TBL1XR1: variants seen among roughly 807,000 people sequenced by gnomAD.
TBL1XR1 encodes the protein TBL1X/Y related 1, also known as F-box-like/WD repeat-containing protein TBL1XR1.
In TBL1XR1, 5 loss-of-function variants were observed where a neutral mutation model predicts 66.9. That is an observed-to-expected ratio of 0.07 (90% confidence interval 0.04 to 0.16). TBL1XR1 has a LOEUF of 0.16. TBL1XR1 is among the 10% of genes least tolerant of loss of function. The pLI is 1.00. For synonymous variants in TBL1XR1, 210 were observed against 206.0 expected (o/e 1.02, Z -0.17); for missense variants, 238 against 623.2 (o/e 0.38, Z 6.58).
intron 2 of TBL1XR1, among the ~76,000 whole-genome samples, chr3:177,072,404 T>C (rs1297283308): frequency 6.6e-6 from 1 of 151,844 alleles, no homozygotes; most frequent in Non-Finnish European, 1.5e-5. Flanking sequence ...GCTCACACCT[T>C]AGTATTACGA....
At chr3:177,188,989 C>T (rs188817857) in intron 1 of TBL1XR1, among the ~76,000 whole-genome samples, 85 of 151,954 alleles carry the variant, frequency 5.6e-4, no homozygotes, top group African/African-American at 2.0e-3. Flanking sequence ...GGGTGGATCA[C>T]GAGGTCAGGG....
upstream of TBL1XR1, among the ~76,000 whole-genome samples, chr3:177,198,550 GA>G (rs1737222621): frequency 6.6e-6 from 1 of 152,136 alleles, no homozygotes; most frequent in African/African-American, 2.4e-5. Context: ...TTAAAGAAGG[GA>G]GGCACCTCAC....
chr3:177,047,966 G>A (rs1716542783), intron 7 of TBL1XR1: 2 of 168,052 alleles, frequency 1.2e-5, no homozygotes, highest in Admixed American at 1.1e-4. Flanking sequence ...GTTTTATATG[G>A]CCATTCCTCT....
At chr3:177,026,754 C>A (rs1713183259) in intron 14 of TBL1XR1, 1 of 297,952 alleles carries the variant, frequency 3.4e-6, no homozygotes, top group East Asian at 6.5e-5. Context: ...ACATAGCCAA[C>A]AATAGCTAGA....
chr3:177,132,160 G>GC (rs1728378528), intron 1 of TBL1XR1, among the ~76,000 whole-genome samples: 1 of 152,160 alleles, frequency 6.6e-6, no homozygotes, highest in African/African-American at 2.4e-5. Flanking sequence ...GTTTTCGTGA[G>GC]CCCCTTGAGG....
chr3:177,189,442 C>G (rs1288978926), intron 1 of TBL1XR1, among the ~76,000 whole-genome samples: 1 of 151,842 alleles, frequency 6.6e-6, no homozygotes, highest in Non-Finnish European at 1.5e-5. Flanking sequence ...CACCTGAAGT[C>G]AAGAGTTCAA....
intron 2 of TBL1XR1, among the ~76,000 whole-genome samples, chr3:177,096,901 C>T (rs965023549): frequency 6.6e-6 from 1 of 151,942 alleles, no homozygotes; most frequent in Non-Finnish European, 1.5e-5. Context: ...TTCAACATCT[C>T]CTATCAACCC....
At chr3:177,132,047 A>G (rs1239952312) in intron 1 of TBL1XR1, among the ~76,000 whole-genome samples, 2 of 152,214 alleles carry the variant, frequency 1.3e-5, no homozygotes, top group African/African-American at 4.8e-5. Context: ...CATACTGATT[A>G]ATAATGTTGC....
At position 177,174,271 on chromosome 3, in the gene TBL1XR1, G is replaced by A. The variant is rs192232197; in HGVS notation, c.-122+22850C>T. Among the ~76,000 whole-genome samples the A allele has an allele frequency of 8.1e-4, 123 of 151,900 alleles. 1 individual carries two copies. Among genetic ancestry groups the A allele is most frequent in the African/African-American group, 2.8e-3 (116 of 41,414 alleles). On this transcript the variant is annotated intron_variant, in intron 1 of 15. Transcript: ENST00000457928. The stretch of plus-strand genomic sequence containing the variant: ...AAAATACAAAAAAATTAGCCGGCCG[G>A]AGTGGCAAGCACCTGTAGTCCCAGC...
At chr3:177,198,011 C>T, upstream of TBL1XR1, among the ~76,000 whole-genome samples, 1 of 151,074 alleles carries the variant, frequency 6.6e-6, no homozygotes, top group East Asian at 2.0e-4. Flanking sequence ...GGGGGCGGCC[C>T]GGCGGCGTTG....
chr3:177,182,971 C>T (rs1342419726), intron 1 of TBL1XR1, among the ~76,000 whole-genome samples: 1 of 152,076 alleles, frequency 6.6e-6, no homozygotes, highest in Non-Finnish European at 1.5e-5. Flanking sequence ...ATTTTCCCTC[C>T]AAAACTCTTA....
chr3:177,172,664 AAGG>A (rs1431270107), intron 1 of TBL1XR1, among the ~76,000 whole-genome samples: 3,062 of 101,688 alleles, frequency 0.03, 137 homozygotes, highest in African/African-American at 0.094. Context: ...AGAGAGAGAG[AAGG>A]GAGGGGAGGG....
chr3:177,068,544 G>T (rs1385583477), intron 2 of TBL1XR1, among the ~76,000 whole-genome samples: 2 of 152,152 alleles, frequency 1.3e-5, no homozygotes, highest in Non-Finnish European at 2.9e-5. Flanking sequence ...ATCCAGCTAC[G>T]ACTATTCAGT....
At chr3:177,027,267 G>C (rs1713272312) in intron 14 of TBL1XR1, 1 of 152,174 alleles carries the variant, frequency 6.6e-6, no homozygotes, top group Non-Finnish European at 1.5e-5. Flanking sequence ...CCAAAATGTT[G>C]GGATTATAAG....
At chr3:177,131,263 C>T (rs1020771843) in intron 1 of TBL1XR1, 5 of 872,180 alleles carry the variant, frequency 5.7e-6, no homozygotes, top group Non-Finnish European at 6.9e-6. Flanking sequence ...GCAACACACA[C>T]AAAAAAAGTC....
At chr3:177,178,305 T>G (rs1734395722) in intron 1 of TBL1XR1, among the ~76,000 whole-genome samples, 1 of 152,130 alleles carries the variant, frequency 6.6e-6, no homozygotes, top group African/African-American at 2.4e-5. Context: ...GAAAATGACA[T>G]TTACTGGGCA....
At chr3:177,027,720 T>C (rs1368404865) in intron 14 of TBL1XR1, 2 of 152,232 alleles carry the variant, frequency 1.3e-5, no homozygotes, top group Non-Finnish European at 2.9e-5. Context: ...CCTCTTCAAA[T>C]TTAGCCCAGT....
In TBL1XR1 at chr3:177,064,940, T is replaced by A. The variant is rs1405162373; in HGVS notation, c.38A>T (p.Tyr13Phe). The A allele has an allele frequency of 6.5e-7, 1 of 1,548,620 alleles. No homozygotes were observed. Among genetic ancestry groups the A allele is most frequent in the Non-Finnish European group, 8.7e-7 (1 of 1,146,356 alleles). Residue 13 changes from tyrosine to phenylalanine, a missense_variant, in exon 3 of 16, where the codon TAT becomes TTT. Coordinates refer to ENST00000457928, the MANE Select transcript of TBL1XR1 (RefSeq NM_024665.7). The stretch of plus-strand genomic sequence containing the variant: ...CTCACCTGACTCTTGCAAGTATCTA[T>A]ATACCAAGAAGTTGACCTCATCACT... ...ISSDEVNFLV[Y>F]RYLQESGFSH...
intron 1 of TBL1XR1, among the ~76,000 whole-genome samples, chr3:177,190,648 C>A (rs754633235): frequency 3.3e-5 from 5 of 152,146 alleles, no homozygotes; most frequent in Non-Finnish European, 5.9e-5. Context: ...AAGAAACTAA[C>A]AAATTTTTCT....
Sources: allele counts gnomAD v4.1 joint callset (sites outside exome capture counted in the v4.1 genomes callset), GRCh38; gene constraint gnomAD v4.1.1; transcripts MANE v1.5; gene names NCBI Gene and HGNC (gene_info 2026-07-23, HGNC 2026-07-21).